Variants in WNT4 observed in about 807,000 individuals in gnomAD.
The protein encoded by WNT4 is protein Wnt-4.
In WNT4, 16 loss-of-function variants were observed where a neutral mutation model predicts 34.5. That is an observed-to-expected ratio of 0.46 (90% CI 0.31 to 0.70). The LOEUF (loss-of-function observed/expected upper bound fraction) is 0.70, where lower values mean the gene tolerates loss of function less well. Ranked by LOEUF, WNT4 falls within the 30% of genes least tolerant of loss-of-function variation. WNT4 has a pLI of 0.04. For missense variants in WNT4, 379 were observed against 495.9 expected (o/e 0.76, Z 2.24); for synonymous variants, 200 against 211.9 (o/e 0.94, Z 0.49).
chr1:22,141,622 G>A (rs996590714), intron 1 of WNT4, among the ~76,000 whole-genome samples: 1 of 152,096 alleles, frequency 6.6e-6, no homozygotes, highest in Non-Finnish European at 1.5e-5. Context: ...GTTTGCTCTC[G>A]GAACAGCTGG....
chr1:22,131,619 G>T (rs537204879), intron 1 of WNT4, among the ~76,000 whole-genome samples: 1 of 152,324 alleles, frequency 6.6e-6, no homozygotes, highest in African/African-American at 2.4e-5. Flanking sequence ...GGAGATAACG[G>T]TTCTCACCCA....
chr1:22,136,690 T>G (rs977592188), intron 1 of WNT4, among the ~76,000 whole-genome samples: 12 of 152,212 alleles, frequency 7.9e-5, no homozygotes, highest in African/African-American at 2.9e-4. Flanking sequence ...GATGGAGTCC[T>G]GGTTCTACCA....
intron 1 of WNT4, among the ~76,000 whole-genome samples, chr1:22,138,409 C>G (rs534523124): frequency 4.0e-5 from 6 of 151,412 alleles, no homozygotes; most frequent in South Asian, 4.1e-4. Flanking sequence ...TTTGCCCGCC[C>G]CCCAGGGGAC....
At chr1:22,133,374 C>T (rs547932458) in intron 1 of WNT4, among the ~76,000 whole-genome samples, 1 of 152,256 alleles carries the variant, frequency 6.6e-6, no homozygotes, top group Non-Finnish European at 1.5e-5. Context: ...CCTGGAGACC[C>T]ATCAGGGCGA....
At position 22,139,831 on chromosome 1, in the gene WNT4, C is replaced by T. The variant is rs910540631; in HGVS notation, c.77+3015G>A. ...TCCTTAAGGGCAGAGTCCCAGCCTT[C>T]CCCCAGGGACTCTTCATCCATCGGG... On this transcript the variant is annotated intron_variant, in intron 1 of 4. Coordinates refer to ENST00000290167, the MANE Select transcript of WNT4 (RefSeq NM_030761.5). The surrounding 1 kb of genome is among the most constrained non-coding windows in gnomAD (Gnocchi z 4.6). 1.1e-4 allele frequency among the ~76,000 whole-genome samples: 17 copies of T among 152,298 alleles called. 1 individual carries two copies.
rs1377138930 is a variant in WNT4, at chr1:22,142,684, C to T, written c.77+162G>A. Among the ~76,000 whole-genome samples the T allele has an allele frequency of 6.6e-6, 1 of 151,444 alleles. No individual in the cohort carries two copies. On this transcript the variant is annotated intron_variant, in intron 1 of 4. Transcript: ENST00000290167. This position sits in a 1 kb window ranked among gnomAD's most constrained non-coding sequence, Gnocchi z 6.0. ...GACCCCGGGTGTGCAGAGGGACGTT[C>T]GGGCCGTGGCGGCGGCAGCGGAGCG...
At position 22,143,047 on chromosome 1, in the gene WNT4, C is replaced by G. The variant is rs1646085546; in HGVS notation, c.-125G>C. 5 of 291,640 alleles carry G rather than the reference C, an allele frequency of 1.7e-5. No homozygotes were observed. The highest frequency in any genetic ancestry group is 2.0e-5 in the Non-Finnish European group (4 of 199,120). The allele number at this position is 291,640 out of a possible 1,614,324, so 18.1% of individuals were successfully genotyped here. ...GCGGCGGGGCTCTGCCTCCGTGTGC[C>G]TGCCGGCAGCCTGCCCGCTGCTGCG... On this transcript the variant is annotated 5_prime_UTR_variant, in exon 1 of 5. Transcript: ENST00000290167.
intron 1 of WNT4, among the ~76,000 whole-genome samples, chr1:22,141,682 C>A (rs550949942): frequency 6.6e-6 from 1 of 152,332 alleles, no homozygotes; most frequent in African/African-American, 2.4e-5. Context: ...GCTCTGACCC[C>A]AACGAACACA....
intron 1 of WNT4, among the ~76,000 whole-genome samples, chr1:22,132,240 A>C (rs1013133139): frequency 3.9e-5 from 6 of 152,050 alleles, no homozygotes; most frequent in Non-Finnish European, 8.8e-5. Flanking sequence ...TTGCTCTATG[A>C]TGTGGGGGCA....
Position 22,139,261 on chromosome 1 carries a change from C to T in WNT4, c.77+3585G>A, listed in dbSNP as rs1296229650. On this transcript the variant is annotated intron_variant, in intron 1 of 4. Transcript: ENST00000290167. This position sits in a 1 kb window ranked among gnomAD's most constrained non-coding sequence, Gnocchi z 4.6. ...CAGCAGCCCTTGCTTCCGGCAGCTG[C>T]CAGGGCTGCCATTTCCATCAGCGTG... Among the ~76,000 whole-genome samples the T allele has an allele frequency of 6.6e-6, 1 of 152,218 alleles. No individual in the cohort carries two copies. The highest frequency in any genetic ancestry group is 2.4e-5 in the African/African-American group (1 of 41,448).
chr1:22,138,667 C>T (rs2865174), intron 1 of WNT4, among the ~76,000 whole-genome samples: 142,574 of 152,230 alleles, frequency 0.94, 66,907 homozygotes, highest in East Asian at 1. Context: ...TCTAAGGAGA[C>T]GGATTTTTGA....
At position 22,129,722 on chromosome 1, in the gene WNT4, G is replaced by A. The variant is rs768304494; in HGVS notation, c.207C>T (p.Arg69=). 1.6e-5 allele frequency: 26 copies of A among 1,613,864 alleles called. No individual in the cohort carries two copies. The South Asian group carries it at 1.8e-4, about 11-fold the overall frequency. Residue 69 remains arginine (R), a synonymous_variant, in exon 2 of 5, where the codon CGC becomes CGT. Transcript: ENST00000290167. ...RNLEVMDSVR[R]GAQLAIEECQ... ...ACTCCTCAATGGCCAGCTGGGCACCGCGGCGCACCGAGTCCATGACTTCCA... is the reference window on the plus strand; with the variant it reads ...ACTCCTCAATGGCCAGCTGGGCACCACGGCGCACCGAGTCCATGACTTCCA...
intron 1 of WNT4, among the ~76,000 whole-genome samples, chr1:22,130,336 C>T (rs1446661855): frequency 6.6e-6 from 1 of 152,242 alleles, no homozygotes; most frequent in Non-Finnish European, 1.5e-5. Context: ...TCCTCACTGC[C>T]AGCCACATCC....
At position 22,137,420 on chromosome 1, in the gene WNT4, G is replaced by A. The variant is rs1462546591; in HGVS notation, c.77+5426C>T. Reference sequence around the variant, plus strand: ...TGCTCCATGCAGTGAAGGGGTGACTGGAGGGCCCACGGCAGGCAGCTGTCA... The same window carrying A: ...TGCTCCATGCAGTGAAGGGGTGACTAGAGGGCCCACGGCAGGCAGCTGTCA... On this transcript the variant is annotated intron_variant, in intron 1 of 4. Coordinates refer to ENST00000290167, the MANE Select transcript of WNT4 (RefSeq NM_030761.5). The surrounding 1 kb of genome is among the most constrained non-coding windows in gnomAD (Gnocchi z 5.3). Among the ~76,000 whole-genome samples the A allele has an allele frequency of 6.6e-6, 1 of 152,216 alleles. No individual in the cohort carries two copies. The highest frequency in any genetic ancestry group is 2.4e-5 in the African/African-American group (1 of 41,448).
chr1:22,131,571 GC>G (rs1645984019), intron 1 of WNT4, among the ~76,000 whole-genome samples: 1 of 152,200 alleles, frequency 6.6e-6, no homozygotes, highest in Non-Finnish European at 1.5e-5. Flanking sequence ...TTTCCCCGTG[GC>G]TGTGGAGCCT....
chr1:22,132,725 G>C (rs948652744), intron 1 of WNT4, among the ~76,000 whole-genome samples: 1 of 152,154 alleles, frequency 6.6e-6, no homozygotes, highest in Non-Finnish European at 1.5e-5. Context: ...TGAGTCACTG[G>C]GCCAGCTTCC....
In WNT4 at chr1:22,142,932, G is replaced by T; in HGVS notation, c.-10C>A. 2.2e-5 allele frequency: 25 copies of T among 1,126,606 alleles called. No homozygotes were observed. The highest frequency in any genetic ancestry group is 2.8e-5 in the Non-Finnish European group (25 of 900,922). 69.8% of individuals were successfully genotyped at this position (1,126,606 alleles called of 1,614,324 possible). A position where few individuals can be genotyped will look rare whatever the true frequency, so the allele number is the denominator to read the frequency against. On this transcript the variant is annotated 5_prime_UTR_variant, in exon 1 of 5. Transcript: ENST00000290167. The surrounding 1 kb of genome is among the most constrained non-coding windows in gnomAD (Gnocchi z 6.0). ...ACGAGCGGGGACTCATGGTGCCGCC[G>T]CGGGCGCCCGGCCCGGGGCAGCGGC...
At chr1:22,135,029 G>C (rs974361256) in intron 1 of WNT4, among the ~76,000 whole-genome samples, 2 of 152,172 alleles carry the variant, frequency 1.3e-5, no homozygotes, top group Non-Finnish European at 2.9e-5. Flanking sequence ...TTGAGGATGT[G>C]TTTCCTGGCG....
rs1435827227 is a variant in WNT4 at position 22,142,434 on chromosome 1, C to T, written c.77+412G>A. ...CGCTGGGAGCTCGCTCCGGACTTCT[C>T]GGGATTAACCTGCTATTATGTCCCG... On this transcript the variant is annotated intron_variant, in intron 1 of 4. Coordinates refer to ENST00000290167, the MANE Select transcript of WNT4 (RefSeq NM_030761.5). This position sits in a 1 kb window ranked among gnomAD's most constrained non-coding sequence, Gnocchi z 6.0. Among the ~76,000 whole-genome samples the T allele has an allele frequency of 2.0e-5, 3 of 152,184 alleles. No homozygotes were observed. Among genetic ancestry groups the T allele is most frequent in the Admixed American group, 2.0e-4 (3 of 15,294 alleles).
Sources: gnomAD v4.1 joint callset for allele counts (sites outside exome capture counted in the v4.1 genomes callset) on GRCh38, gnomAD v4.1.1 for gene constraint, Gnocchi (gnomAD v3.1) non-coding constraint, MANE v1.5 for transcripts, NCBI Gene and HGNC (gene_info 2026-07-23, HGNC 2026-07-21) for gene names.